Variants in SPATA16 observed in about 807,000 individuals in gnomAD.
SPATA16 encodes the protein spermatogenesis-associated protein 16.
SPATA16 carries 36 observed loss-of-function variants against 63.3 expected under a neutral mutation model. The ratio of observed to expected loss-of-function variants is 0.57; its 90% CI spans 0.44 to 0.75. SPATA16 has a LOEUF of 0.75. SPATA16 is among the 30% of genes least tolerant of loss of function. The pLI is 0.00. For missense variants in SPATA16, 646 were observed against 679.3 expected (o/e 0.95, Z 0.54); for synonymous variants, 203 against 216.7 (o/e 0.94, Z 0.56).
intron 3 of SPATA16, among the ~76,000 whole-genome samples, chr3:173,043,621 A>G (rs1354285617): frequency 6.6e-6 from 1 of 152,094 alleles, no homozygotes; most frequent in East Asian, 1.9e-4. Context: ...TTTTATATTT[A>G]CCATTTATCA....
At chr3:172,988,827 G>A (rs568708950) in intron 4 of SPATA16, among the ~76,000 whole-genome samples, 12 of 152,100 alleles carry the variant, frequency 7.9e-5, no homozygotes, top group Admixed American at 2.0e-4. Context: ...TAGTAGAGAC[G>A]GGGTTTCACC....
chr3:172,918,287 C>T (rs914836079), intron 8 of SPATA16, among the ~76,000 whole-genome samples: 1 of 152,060 alleles, frequency 6.6e-6, no homozygotes, highest in Non-Finnish European at 1.5e-5. Flanking sequence ...GTGACTCAAC[C>T]CTAAAGAGCA....
chr3:173,050,144 G>A lies in SPATA16; in HGVS notation c.613-1050C>T, dbSNP rs374342397. On this transcript the variant is annotated intron_variant, in intron 2 of 10. Transcript: ENST00000351008. ...CTTTTATAGGTTAAGTCTTGAGACG[G>A]TTTTGCCATTTATATTAATGCTATT... Among the ~76,000 whole-genome samples the A allele has an allele frequency of 1.9e-3, 288 of 152,200 alleles. 8 individuals are homozygous for A. The South Asian group carries it at 0.038, about 20-fold the overall frequency.
At chr3:172,920,243 G>C (rs185002902) in intron 8 of SPATA16, among the ~76,000 whole-genome samples, 1 of 152,330 alleles carries the variant, frequency 6.6e-6, no homozygotes, top group Admixed American at 6.5e-5. Flanking sequence ...TCACCAAATT[G>C]TGAGGGTCAA....
At chr3:172,906,203 A>G (rs1314175821) in intron 10 of SPATA16, among the ~76,000 whole-genome samples, 2 of 152,112 alleles carry the variant, frequency 1.3e-5, no homozygotes, top group Non-Finnish European at 2.9e-5. Context: ...ACTCCAAGGG[A>G]CCTTGGGATT....
At chr3:172,961,119 T>G (rs1467151042) in intron 5 of SPATA16, among the ~76,000 whole-genome samples, 4 of 150,832 alleles carry the variant, frequency 2.7e-5, no homozygotes, top group African/African-American at 9.8e-5. Flanking sequence ...CCTTCCTTCC[T>G]TCCTTCCTTT....
intron 6 of SPATA16, 109 bp downstream of exon 6, chr3:172,956,568 C>A: frequency 8.2e-7 from 1 of 1,223,490 alleles, no homozygotes; most frequent in South Asian, 1.4e-5. Context: ...CAGATGAAAA[C>A]AGTGTACTCC....
At chr3:172,954,296 C>A (rs1264151262) in intron 6 of SPATA16, among the ~76,000 whole-genome samples, 4 of 152,156 alleles carry the variant, frequency 2.6e-5, no homozygotes, top group Non-Finnish European at 4.4e-5. Context: ...GGAACTCCCA[C>A]TTATAAAACC....
intron 3 of SPATA16, among the ~76,000 whole-genome samples, chr3:173,027,980 TCCCTCC>T (rs1735491680): frequency 2.9e-5 from 1 of 34,592 alleles, no homozygotes; most frequent in African/African-American, 1.4e-4. Flanking sequence ...TTTTTCTCCC[TCCCTCC>T]CTCCCTCCCT....
intron 8 of SPATA16, among the ~76,000 whole-genome samples, chr3:172,921,681 G>A (rs1460454566): frequency 6.6e-6 from 1 of 152,146 alleles, no homozygotes; most frequent in African/African-American, 2.4e-5. Flanking sequence ...CAGTCTCTTT[G>A]TCAAAGCAAA....
chr3:173,108,809 A>G lies in SPATA16; in HGVS notation c.612+8311T>C, dbSNP rs555064738. On this transcript the variant is annotated intron_variant, in intron 2 of 10. Coordinates refer to ENST00000351008, the MANE Select transcript of SPATA16 (RefSeq NM_031955.6). Reference sequence around the variant, plus strand: ...GATACACAAATACTATTGTGTTACAATTGCCTACAGCACTCAGTACAATAA... The same window carrying G: ...GATACACAAATACTATTGTGTTACAGTTGCCTACAGCACTCAGTACAATAA... Among the ~76,000 whole-genome samples the G allele has an allele frequency of 2.6e-5, 4 of 152,314 alleles. No individual in the cohort carries two copies. The South Asian group carries it at 8.3e-4, about 32-fold the overall frequency.
At chr3:173,100,018 T>A (rs1233056575) in intron 2 of SPATA16, among the ~76,000 whole-genome samples, 1 of 152,222 alleles carries the variant, frequency 6.6e-6, no homozygotes, top group Non-Finnish European at 1.5e-5. Context: ...TTTGAAGAAC[T>A]GTGCCTCAAT....
chr3:173,016,916 AG>A (rs996148238), intron 4 of SPATA16, among the ~76,000 whole-genome samples: 1 of 151,886 alleles, frequency 6.6e-6, no homozygotes, highest in Non-Finnish European at 1.5e-5. Context: ...CAGGAGGCTG[AG>A]GGAGGAGAAT....
At chr3:172,949,413 G>A (rs534878017) in intron 6 of SPATA16, among the ~76,000 whole-genome samples, 6 of 152,146 alleles carry the variant, frequency 3.9e-5, no homozygotes, top group South Asian at 2.1e-4. Flanking sequence ...AAGAAAAAAC[G>A]TAACTCTACA....
Position 172,889,634 on chromosome 3 carries a change from T to C in SPATA16, c.1646A>G (p.Lys549Arg). The change falls in exon 11 of 11, where the codon AAA (lysine) becomes AGA (arginine). Residue 549 changes from lysine (K) to arginine (R), a missense_variant. Coordinates refer to ENST00000351008, the MANE Select transcript of SPATA16 (RefSeq NM_031955.6). ...TTTTTGCCTTCGAGCAGTTCTCAGT[T>C]TTTTAGTTTTTAAGAAACTGTCCTC... is the stretch of plus-strand genomic sequence containing the variant. ...QLEDSFLKTKKLRTARRQKTK... is the reference protein window; with the variant it reads ...QLEDSFLKTKRLRTARRQKTK... 6.2e-7 allele frequency: 1 copy of C among 1,613,838 alleles called. No homozygotes were observed. The highest frequency in any genetic ancestry group is 1.7e-4 in the Middle Eastern group (1 of 6,020).
At chr3:172,957,546 T>C (rs1014665604) in intron 5 of SPATA16, among the ~76,000 whole-genome samples, 3 of 152,200 alleles carry the variant, frequency 2.0e-5, no homozygotes, top group African/African-American at 7.2e-5. Flanking sequence ...AGGAACTTAC[T>C]CCTTTCCTAC....
At chr3:172,932,192 C>G (rs1279931770) in intron 6 of SPATA16, among the ~76,000 whole-genome samples, 3 of 152,130 alleles carry the variant, frequency 2.0e-5, no homozygotes, top group Non-Finnish European at 4.4e-5. Context: ...CTCATCATAA[C>G]CACAGCCAAC....
At chr3:173,125,264 G>A (rs1398817172) in intron 1 of SPATA16, among the ~76,000 whole-genome samples, 2 of 152,004 alleles carry the variant, frequency 1.3e-5, no homozygotes, top group African/African-American at 4.8e-5. Flanking sequence ...CTCCTTCCAA[G>A]GTCTGCCTCT....
chr3:173,106,325 T>G (rs756420112), intron 2 of SPATA16, among the ~76,000 whole-genome samples: 24 of 152,314 alleles, frequency 1.6e-4, no homozygotes, highest in Non-Finnish European at 2.9e-4. Context: ...TGTTTTCTCT[T>G]TATATTCTCT....
Sources: allele counts gnomAD v4.1 joint callset (sites outside exome capture counted in the v4.1 genomes callset), GRCh38; gene constraint gnomAD v4.1.1; transcripts MANE v1.5; gene names NCBI Gene and HGNC (gene_info 2026-07-23, HGNC 2026-07-21).